Variants in LYN observed in about 807,000 individuals in gnomAD.
The protein encoded by LYN is LYN proto-oncogene, Src family tyrosine kinase, also known as tyrosine-protein kinase Lyn.
Under a neutral mutation model 65.0 loss-of-function variants are expected in LYN, and 12 were observed. The ratio of observed to expected loss-of-function variants is 0.18; its 90% CI spans 0.12 to 0.30. LYN has a LOEUF of 0.30. Ranked by LOEUF, LYN falls within the 10% of genes least tolerant of loss-of-function variation. LYN has a pLI of 1.00. For missense variants in LYN, 380 were observed against 623.2 expected (o/e 0.61, Z 4.16); for synonymous variants, 222 against 221.2 (o/e 1.00, Z -0.03).
At chr8:55,966,077 A>G (rs1180855407) in intron 8 of LYN, among the ~76,000 whole-genome samples, 1 of 152,130 alleles carries the variant, frequency 6.6e-6, no homozygotes, top group African/African-American at 2.4e-5. Flanking sequence ...GTGAGCCAAG[A>G]TCGTGCCACT....
rs561467490 is a variant in LYN at position 55,987,362 on chromosome 8, C to G, written c.1051-10984C>G. 3.4e-4 allele frequency among the ~76,000 whole-genome samples: 51 copies of G among 149,922 alleles called. 2 individuals are homozygous for G. In the South Asian group the frequency reaches 8.4e-3, roughly 25 times the overall value. On this transcript the variant is annotated intron_variant, in intron 10 of 12. Coordinates refer to ENST00000519728, the MANE Select transcript of LYN (RefSeq NM_002350.4). ...GGTGGAGGTTACAGTGAGCCAAGAT[C>G]AGGCACTACACTCCAGCTTGGGCTA...
chr8:55,923,737 A>T (rs936293063), intron 1 of LYN, among the ~76,000 whole-genome samples: 1 of 152,052 alleles, frequency 6.6e-6, no homozygotes, highest in Non-Finnish European at 1.5e-5. Flanking sequence ...ATGAGGTTTC[A>T]CCATGTTGGC....
intron 11 of LYN, 128 bp downstream of exon 11, chr8:55,998,627 C>T (rs1808438881): frequency 1.3e-6 from 1 of 771,212 alleles, no homozygotes; most frequent in Admixed American, 2.5e-5. Flanking sequence ...TTAAGCTGTA[C>T]CATAATTGTC....
chr8:55,891,080 C>T (rs1269634554), intron 1 of LYN, among the ~76,000 whole-genome samples: 3 of 149,466 alleles, frequency 2.0e-5, no homozygotes, highest in Non-Finnish European at 3.0e-5. Flanking sequence ...TGGCTGGGTG[C>T]GGTGGCTCAT....
chr8:55,897,965 C>G (rs1343607593), intron 1 of LYN, among the ~76,000 whole-genome samples: 1 of 152,018 alleles, frequency 6.6e-6, no homozygotes, highest in Non-Finnish European at 1.5e-5. Flanking sequence ...CAATTTTTTT[C>G]TTTGGAAAAA....
chr8:55,940,834 T>C (rs914445912), intron 1 of LYN, among the ~76,000 whole-genome samples: 2 of 152,206 alleles, frequency 1.3e-5, no homozygotes, highest in Admixed American at 1.3e-4. Flanking sequence ...TGTTTAGATG[T>C]GCACCGTGTG....
At chr8:55,918,449 C>G (rs1309967703) in intron 1 of LYN, among the ~76,000 whole-genome samples, 1 of 152,232 alleles carries the variant, frequency 6.6e-6, no homozygotes, top group East Asian at 1.9e-4. Context: ...CTTACAAGCT[C>G]TAATGTGCAG....
At chr8:55,996,851 C>T (rs750352479) in intron 10 of LYN, among the ~76,000 whole-genome samples, 11 of 151,924 alleles carry the variant, frequency 7.2e-5, no homozygotes, top group Non-Finnish European at 1.5e-4. Flanking sequence ...TGAATCTTGC[C>T]GGGCGTGGTG....
chr8:55,939,908 C>A (rs1436156047), intron 1 of LYN, among the ~76,000 whole-genome samples: 1 of 152,170 alleles, frequency 6.6e-6, no homozygotes, highest in Non-Finnish European at 1.5e-5. Context: ...CAAAGAAGTA[C>A]TTGCTTCCCC....
chr8:55,907,739 G>A (rs1055725744), intron 1 of LYN, among the ~76,000 whole-genome samples: 5 of 152,036 alleles, frequency 3.3e-5, no homozygotes, highest in African/African-American at 7.2e-5. Context: ...GGTGGTGCAC[G>A]CCTGTGGTCC....
intron 10 of LYN, among the ~76,000 whole-genome samples, chr8:55,987,111 G>T (rs1223437914): frequency 6.6e-6 from 1 of 152,000 alleles, no homozygotes. Context: ...TTTTAGAATA[G>T]AATAAAAAGA....
intron 10 of LYN, among the ~76,000 whole-genome samples, chr8:55,974,697 C>G (rs756488014): frequency 6.6e-6 from 1 of 152,192 alleles, no homozygotes; most frequent in Non-Finnish European, 1.5e-5. Context: ...CTTCTTCTGT[C>G]TCTTTGTCTG....
At chr8:55,885,412 A>G (rs1020196292) in intron 1 of LYN, among the ~76,000 whole-genome samples, 1 of 152,128 alleles carries the variant, frequency 6.6e-6, no homozygotes, top group Non-Finnish European at 1.5e-5. Context: ...AGCATCTGAA[A>G]TCTTGCTCAC....
rs116729826 is a variant in LYN at position 55,887,023 on chromosome 8, T to C, written c.-6+6920T>C. Among the ~76,000 whole-genome samples the C allele has an allele frequency of 8.2e-3, 1,247 of 152,354 alleles. 15 individuals are homozygous for C. Among genetic ancestry groups the C allele is most frequent in the African/African-American group, 0.029 (1,193 of 41,584 alleles). ...CATCCCCCCTTCCAACGTACAGAGA[T>C]GGGCAGTCCAATAGGGAGGTTTATT... On this transcript the variant is annotated intron_variant, in intron 1 of 12. Transcript: ENST00000519728.
At chr8:55,913,128 G>A (rs1458897695) in intron 1 of LYN, among the ~76,000 whole-genome samples, 1 of 152,040 alleles carries the variant, frequency 6.6e-6, no homozygotes, top group Non-Finnish European at 1.5e-5. Flanking sequence ...AAACCTTTTT[G>A]CAAAAATCAA....
chr8:55,965,065 G>T (rs146383670), intron 8 of LYN, among the ~76,000 whole-genome samples: 1 of 152,214 alleles, frequency 6.6e-6, no homozygotes, highest in Non-Finnish European at 1.5e-5. Context: ...GAGAAAGATG[G>T]AAGCAGAAGA....
At chr8:55,989,143 G>A (rs1403224715) in intron 10 of LYN, among the ~76,000 whole-genome samples, 4 of 152,336 alleles carry the variant, frequency 2.6e-5, no homozygotes, top group East Asian at 3.9e-4. Flanking sequence ...CAGAGCCTGC[G>A]CCTCGGGTGG....
chr8:55,965,089 A>C (rs1391244769), intron 8 of LYN, among the ~76,000 whole-genome samples: 2 of 152,080 alleles, frequency 1.3e-5, no homozygotes, highest in Non-Finnish European at 2.9e-5. Flanking sequence ...GACAGGAAGG[A>C]AGAGTATGAT....
chr8:55,999,895 C>T (rs1007668378), intron 12 of LYN, among the ~76,000 whole-genome samples: 10 of 151,196 alleles, frequency 6.6e-5, no homozygotes, highest in South Asian at 2.1e-4. Flanking sequence ...TGCTTGAACC[C>T]GGGAGGTGGA....
Sources: allele counts gnomAD v4.1 joint callset (sites outside exome capture counted in the v4.1 genomes callset), GRCh38; gene constraint gnomAD v4.1.1; transcripts MANE v1.5; gene names NCBI Gene and HGNC (gene_info 2026-07-23, HGNC 2026-07-21).